The following NUP205 variants were observed in gnomAD, a reference collection of about 807,000 sequenced individuals.
NUP205 encodes nuclear pore complex protein Nup205.
NUP205 carries 76 observed loss-of-function variants against 253.8 expected under a neutral mutation model. That is an observed-to-expected ratio of 0.30 (90% CI 0.25 to 0.36). The LOEUF (loss-of-function observed/expected upper bound fraction) is 0.36. Among genes scored for constraint, NUP205 ranks in the 10% least tolerant of loss-of-function variants. The pLI, the probability that NUP205 is intolerant of heterozygous loss-of-function variation, is 1.00. For synonymous variants in NUP205, 832 were observed against 850.1 expected (o/e 0.98, Z 0.37); for missense variants, 2,162 against 2,425.5 (o/e 0.89, Z 2.28).
chr7:135,564,885 G>A (rs80307096), intron 1 of NUP205, among the ~76,000 whole-genome samples: 3,782 of 151,954 alleles, frequency 0.025, 84 homozygotes, highest in South Asian at 0.077. Context: ...TCCCACCTCA[G>A]CCTCCTGAGT....
At chr7:135,634,728 G>T (rs1188784386) in intron 35 of NUP205, among the ~76,000 whole-genome samples, 1 of 152,126 alleles carries the variant, frequency 6.6e-6, no homozygotes, top group South Asian at 2.1e-4. Flanking sequence ...ATAAGCTCTC[G>T]GGAAGCGGTG....
At chr7:135,566,632 C>G (rs1043654686) in intron 1 of NUP205, among the ~76,000 whole-genome samples, 13 of 152,184 alleles carry the variant, frequency 8.5e-5, no homozygotes, top group African/African-American at 2.9e-4. Context: ...GCATCCTTCC[C>G]TAATCTTCAG....
At chr7:135,646,082 A>T in intron 41 of NUP205, 76 bp from the exon 42 acceptor site, 1 of 923,782 alleles carries the variant, frequency 1.1e-6, no homozygotes, top group Non-Finnish European at 1.8e-6. Context: ...GTTATTATTC[A>T]TTGTCATCAG....
At chr7:135,581,687 A>C (rs753768106) in intron 7 of NUP205, among the ~76,000 whole-genome samples, 3 of 151,930 alleles carry the variant, frequency 2.0e-5, no homozygotes, top group Non-Finnish European at 4.4e-5. Flanking sequence ...GCCCATCTCC[A>C]CTAAAAACAC....
rs1321746465 is a variant in NUP205 at position 135,577,143 on chromosome 7, A to G, written c.648+15A>G. The G allele has an allele frequency of 6.3e-7, 1 of 1,596,770 alleles. No homozygotes were observed. The highest frequency in any genetic ancestry group is 2.3e-5 in the East Asian group (1 of 44,298). On this transcript the variant is annotated intron_variant, in intron 5 of 42. Coordinates refer to ENST00000285968, the MANE Select transcript of NUP205 (RefSeq NM_015135.3). The stretch of plus-strand genomic sequence containing the variant: ...ATCGCAAAGAGGCAAGGGTTCAATG[A>G]AATCAATTCATGAGTTGTCTGTCAA...
intron 2 of NUP205, among the ~76,000 whole-genome samples, chr7:135,572,642 A>C (rs1010245646): frequency 8.6e-5 from 13 of 152,038 alleles, no homozygotes; most frequent in African/African-American, 3.1e-4. Context: ...GCTCACTGCA[A>C]CCTCCCTCCC....
intron 38 of NUP205, among the ~76,000 whole-genome samples, chr7:135,642,843 G>GGTGTGTGTGTGTGTGTGT (rs57007288): frequency 2.1e-5 from 3 of 144,984 alleles, no homozygotes; most frequent in South Asian, 2.2e-4. Context: ...GATGTGGAGG[G>GGTGTGTGTGTGTGTGTGT]GTGTGTGTGT....
chr7:135,616,291 T>C (rs1794356852), intron 24 of NUP205, among the ~76,000 whole-genome samples: 1 of 152,164 alleles, frequency 6.6e-6, no homozygotes, highest in African/African-American at 2.4e-5. Context: ...ATATACAAAA[T>C]TGTCAGTGGA....
At chr7:135,619,973 G>C in intron 30 of NUP205, 85 bp downstream of exon 30, 1 of 873,574 alleles carries the variant, frequency 1.1e-6, no homozygotes, top group East Asian at 2.4e-5. Context: ...TCCATCTTTT[G>C]ACTAATCACA....
rs1806625814 is a variant in NUP205, at chr7:135,591,422, A to G, written c.1474-28A>G. 5 of 1,607,600 alleles carry G rather than the reference A, an allele frequency of 3.1e-6. No homozygotes were observed. In the East Asian group the frequency reaches 8.9e-5, roughly 29 times the overall value. On this transcript the variant is annotated intron_variant, in intron 10 of 42. Transcript: ENST00000285968. Reference sequence around the variant, plus strand: ...GCCTTAAAGTTAAGATATACATTATATAAACCATTTGTTTCTCTCTTTTTC... The same window carrying G: ...GCCTTAAAGTTAAGATATACATTATGTAAACCATTTGTTTCTCTCTTTTTC...
At chr7:135,569,811 A>G (rs1368866660) in intron 1 of NUP205, among the ~76,000 whole-genome samples, 1 of 152,154 alleles carries the variant, frequency 6.6e-6, no homozygotes, top group East Asian at 1.9e-4. Flanking sequence ...TATAATAGCC[A>G]GTGTCTCAGC....
rs745700928 is a variant in NUP205 at position 135,614,143 on chromosome 7, T to C, written c.3196-16T>C. On this transcript the variant is annotated splice_polypyrimidine_tract_variant and intron_variant, in intron 22 of 42. Coordinates refer to ENST00000285968, the MANE Select transcript of NUP205 (RefSeq NM_015135.3). ...GAAAGACTGATTCAGGGATTTTTCTTACTTTAATGCTTTAGGTCATATATC... is the reference window on the plus strand; with the variant it reads ...GAAAGACTGATTCAGGGATTTTTCTCACTTTAATGCTTTAGGTCATATATC... 7.3e-6 allele frequency: 10 copies of C among 1,373,656 alleles called. No homozygotes were observed. The highest frequency in any genetic ancestry group is 8.3e-6 in the Non-Finnish European group (8 of 966,900). 85.1% of individuals were successfully genotyped at this position (1,373,656 alleles called of 1,614,324 possible).
intron 36 of NUP205, among the ~76,000 whole-genome samples, chr7:135,636,406 C>T (rs916928928): frequency 6.6e-6 from 1 of 152,122 alleles, no homozygotes; most frequent in African/African-American, 2.4e-5. Context: ...CATGGTATCA[C>T]TGGGACCGAG....
intron 38 of NUP205, among the ~76,000 whole-genome samples, chr7:135,642,130 C>T (rs1452233109): frequency 6.6e-6 from 1 of 151,984 alleles, no homozygotes; most frequent in Non-Finnish European, 1.5e-5. Flanking sequence ...TGGCATGCGC[C>T]TGTAATCCCA....
At position 135,606,219 on chromosome 7, in the gene NUP205, G is replaced by A. The variant is rs1394291527; in HGVS notation, c.2898G>A (p.Leu966=). 6.2e-7 allele frequency: 1 copy of A among 1,605,528 alleles called. No homozygotes were observed. The highest frequency in any genetic ancestry group is 8.5e-7 in the Non-Finnish European group (1 of 1,172,460). Residue 966 remains leucine (L), a synonymous_variant, in exon 20 of 43, where the codon CTG becomes CTA. Transcript: ENST00000285968. ...DCEDAEEFVR[L]EEGSELEKKL... ...AAGATGCAGAAGAATTTGTACGTCT[G>A]GAAGAGGGTATGCCTTAGATTAATG...
rs553480110 is a variant in NUP205 at position 135,625,226 on chromosome 7, G to T, written c.4542G>T (p.Leu1514Phe). ...TGGATAAACAGCAGCAGTGGCTTTT[G>T]TATCTTTCTAACAGTGGCTACTTGA... ...VSVDKQQQWLLYLSNSGYLKV... is the reference protein window; with the variant it reads ...VSVDKQQQWLFYLSNSGYLKV... The change falls in exon 32 of 43, where the codon TTG becomes TTT. Residue 1514 changes from leucine to phenylalanine, a missense_variant. Physicochemically the swap from Leu to Phe is conservative, Grantham distance 22. Transcript: ENST00000285968. 8.3e-5 allele frequency: 134 copies of T among 1,613,970 alleles called. 1 individual carries two copies. The South Asian group carries it at 1.4e-3, about 16-fold the overall frequency.
At chr7:135,645,424 A>T in intron 40 of NUP205, 44 bp from the exon 41 acceptor site, 7 of 1,593,954 alleles carry the variant, frequency 4.4e-6, no homozygotes, top group South Asian at 1.1e-5. Context: ...TGTGTAAAAC[A>T]TATTTGATGA....
intron 34 of NUP205, among the ~76,000 whole-genome samples, chr7:135,628,913 G>T (rs748433191): frequency 1.2e-4 from 19 of 152,140 alleles, no homozygotes; most frequent in Non-Finnish European, 2.2e-4. Flanking sequence ...GGCCTATGTG[G>T]TCTTCAAGTT....
At chr7:135,618,315 A>G (rs1418625323) in intron 27 of NUP205, 97 bp from the exon 28 acceptor site, 2 of 954,508 alleles carry the variant, frequency 2.1e-6, no homozygotes, top group Middle Eastern at 2.7e-4. Context: ...CCTGGCATGC[A>G]TGTAGTAGGT....
Sources: gnomAD v4.1 joint callset for allele counts (sites outside exome capture counted in the v4.1 genomes callset) on GRCh38, gnomAD v4.1.1 for gene constraint, MANE v1.5 for transcripts, NCBI Gene and HGNC (gene_info 2026-07-23, HGNC 2026-07-21) for gene names.